PDE4A: variants seen among roughly 807,000 people sequenced by gnomAD.
PDE4A encodes phosphodiesterase 4A, also known as 3',5'-cyclic-AMP phosphodiesterase 4A.
In PDE4A, 21 loss-of-function variants were observed where a neutral mutation model predicts 73.9. The ratio of observed to expected loss-of-function variants is 0.28; its 90% CI spans 0.20 to 0.41. The LOEUF is 0.41. Ranked by LOEUF, PDE4A falls within the 10% of genes least tolerant of loss-of-function variation. The probability of loss-of-function intolerance (pLI) is 1.00; values close to 1 mark genes in which losing one functional copy is unlikely to be tolerated. For missense variants in PDE4A, 958 were observed against 1,211.4 expected (o/e 0.79, Z 3.10); for synonymous variants, 463 against 505.4 (o/e 0.92, Z 1.13).
intron 14 of PDE4A, among the ~76,000 whole-genome samples, chr19:10,466,184 C>T (rs182502065): frequency 3.8e-4 from 57 of 150,050 alleles, no homozygotes; most frequent in Middle Eastern, 3.4e-3. Context: ...CAGTGGCTCA[C>T]GCCTGTAATC....
At chr19:10,449,665 G>T (rs1174936064) in intron 4 of PDE4A, among the ~76,000 whole-genome samples, 1 of 151,958 alleles carries the variant, frequency 6.6e-6, no homozygotes, top group Non-Finnish European at 1.5e-5. Flanking sequence ...CGGCCCAGAG[G>T]TTTTTATAAA....
chr19:10,453,237 C>T lies in PDE4A; in HGVS notation c.784-1592C>T. The T allele has an allele frequency of 6.2e-7, 1 of 1,602,518 alleles. No homozygotes were observed. The highest frequency in any genetic ancestry group is 8.5e-7 in the Non-Finnish European group (1 of 1,174,540). On this transcript the variant is annotated intron_variant, in intron 6 of 14. Coordinates refer to ENST00000380702, the MANE Select transcript of PDE4A (RefSeq NM_001111307.2). The surrounding 1 kb of genome is among the most constrained non-coding windows in gnomAD (Gnocchi z 4.6). ...CCCCAAGCCCAGCCTCTGTGTGCAGCAGCCCCAGGCGGGCTAAGTCTCCAA... is the reference window on the plus strand; with the variant it reads ...CCCCAAGCCCAGCCTCTGTGTGCAGTAGCCCCAGGCGGGCTAAGTCTCCAA...
At chr19:10,452,865 A>T in intron 6 of PDE4A, 46 of 243,678 alleles carry the variant, frequency 1.9e-4, no homozygotes, top group Non-Finnish European at 2.8e-4. Flanking sequence ...CCCCTTTAAT[A>T]CCCCCCCACC....
In PDE4A at chr19:10,425,927, C is replaced by T. The variant is rs987099234; in HGVS notation, c.320+4843C>T. Among the ~76,000 whole-genome samples the T allele has an allele frequency of 2.4e-4, 29 of 122,340 alleles. No homozygotes were observed. The Admixed American group carries it at 2.7e-3, about 11-fold the overall frequency. 80.3% of individuals were successfully genotyped at this position (122,340 alleles called of 152,430 possible). On this transcript the variant is annotated intron_variant, in intron 1 of 14. Transcript: ENST00000380702. ...GGTTGAGCCTGGAAGGCGGAGGTTG[C>T]GGTGAGCCGAGATTGGGCCACTGCA...
At chr19:10,444,491 T>TC (rs2042978232) in intron 1 of PDE4A, among the ~76,000 whole-genome samples, 1 of 145,754 alleles carries the variant, frequency 6.9e-6, no homozygotes, top group Non-Finnish European at 1.5e-5. Context: ...AGAGTGAAAC[T>TC]CCATCTCAAA....
chr19:10,418,491 G>A (rs1045952949), upstream of PDE4A, among the ~76,000 whole-genome samples: 2 of 151,890 alleles, frequency 1.3e-5, no homozygotes, highest in African/African-American at 4.8e-5. Context: ...GCTTTCGGCA[G>A]TTCCAATCCA....
intron 1 of PDE4A, chr19:10,427,753 A>T (rs1417929840): frequency 1.0e-6 from 1 of 967,958 alleles, no homozygotes; most frequent in East Asian, 1.1e-4. Flanking sequence ...GGGCCTAGTA[A>T]AAACCGTATT....
rs199602831 is a variant in PDE4A at position 10,446,256 on chromosome 19, G to C, written c.359G>C (p.Arg120Pro). ...AATGGGCCGACACCATCTCCTGGCC[G>C]CAGCCCCCTGGACTCGCAGGCGAGC... ...AENGPTPSPG[R>P]SPLDSQASPG... Residue 120 changes from arginine to proline, a missense_variant, in exon 2 of 15, where the codon CGC (arginine) becomes CCC (proline). Transcript: ENST00000380702. 2 of 1,595,204 alleles carry C rather than the reference G, an allele frequency of 1.3e-6. No homozygotes were observed. Among genetic ancestry groups the C allele is most frequent in the South Asian group, 1.1e-5 (1 of 88,800 alleles).
chr19:10,447,795 C>G (rs917997298), intron 2 of PDE4A, among the ~76,000 whole-genome samples: 3 of 152,146 alleles, frequency 2.0e-5, no homozygotes, highest in Admixed American at 6.6e-5. Flanking sequence ...GCTAACCTCC[C>G]TTATCGTGAC....
intron 2 of PDE4A, among the ~76,000 whole-genome samples, chr19:10,446,901 C>CTTTTTTTCTCTTTTTTTTTTTTTTTTT (rs1939804348): frequency 1.4e-5 from 2 of 145,418 alleles, no homozygotes; most frequent in African/African-American, 5.1e-5. Context: ...GCCTCAGTTC[C>CTTTTTTTCTCTTTTTTTTTTTTTTTTT]TTTTTTTTTT....
At chr19:10,460,798 CA>C (rs34675916) in intron 10 of PDE4A, 35,961 of 103,354 alleles carry the variant, frequency 0.35, 4,856 homozygotes, top group East Asian at 0.53. Context: ...AACTCTGTCT[CA>C]AAAAAAAAAA....
At chr19:10,432,290 C>G (rs974806695) in intron 1 of PDE4A, 1 of 1,147,742 alleles carries the variant, frequency 8.7e-7, no homozygotes, top group Non-Finnish European at 1.1e-6. Flanking sequence ...CTCGACCGCC[C>G]GGGGCTGTCC....
chr19:10,454,611 G>A (rs1458461649), intron 6 of PDE4A: 1 of 263,020 alleles, frequency 3.8e-6, no homozygotes, highest in Non-Finnish European at 5.9e-6. Flanking sequence ...GGAGGGTTAT[G>A]CTGACCATGA....
upstream of PDE4A, chr19:10,418,671 C>T (rs1195143283): frequency 1.3e-6 from 1 of 753,778 alleles, no homozygotes; most frequent in Non-Finnish European, 1.6e-6. Context: ...TCAGTTTATC[C>T]CCCAGCTCAG....
At chr19:10,420,408 G>A (rs2145438104), upstream of PDE4A, 1 of 972,248 alleles carries the variant, frequency 1.0e-6, no homozygotes, top group East Asian at 1.1e-4. This position sits in a 1 kb window ranked among gnomAD's most constrained non-coding sequence, Gnocchi z 6.0. Context: ...GCCCCCCGCT[G>A]GCCCGGACGG....
Position 10,458,461 on chromosome 19 carries a change from C to G in PDE4A, c.1101+359C>G, listed in dbSNP as rs984879188. Among the ~76,000 whole-genome samples, 4 of 152,154 alleles carry G rather than the reference C, an allele frequency of 2.6e-5. No homozygotes were observed. Among genetic ancestry groups the G allele is most frequent in the African/African-American group, 9.7e-5 (4 of 41,430 alleles). On this transcript the variant is annotated intron_variant, in intron 8 of 14. Coordinates refer to ENST00000380702, the MANE Select transcript of PDE4A (RefSeq NM_001111307.2). This position sits in a 1 kb window ranked among gnomAD's most constrained non-coding sequence, Gnocchi z 4.6. ...TGCCCCCATAGTGTCCCCAACAGTC[C>G]AGACCGGTGTTTCACTCCTAGCTCT...
upstream of PDE4A, chr19:10,417,747 G>T (rs112873395): frequency 1.3e-6 from 2 of 1,581,728 alleles, no homozygotes; most frequent in Admixed American, 1.7e-5. Context: ...GTCCGGTCCT[G>T]GCCTGGGCTG....
chr19:10,420,576 A>C lies in PDE4A; in HGVS notation c.-189A>C. The C allele has an allele frequency of 8.0e-7, 1 of 1,252,278 alleles. No individual in the cohort carries two copies. Among genetic ancestry groups the C allele is most frequent in the Non-Finnish European group, 1.0e-6 (1 of 1,000,442 alleles). The allele number at this position is 1,252,278 out of a possible 1,614,324, so 77.6% of individuals were successfully genotyped here. A position where few individuals can be genotyped will look rare whatever the true frequency, so the allele number is the denominator to read the frequency against. On this transcript the variant is annotated 5_prime_UTR_variant, in exon 1 of 15. Coordinates refer to ENST00000380702, the MANE Select transcript of PDE4A (RefSeq NM_001111307.2). The surrounding 1 kb of genome is among the most constrained non-coding windows in gnomAD (Gnocchi z 6.0). ...CACTGAGCAGAGCTCCAGGCGCCGA[A>C]AGGAAGCTGCAGAGCCCGGCCCGGG...
Position 10,449,150 on chromosome 19 carries a change from A to C in PDE4A, c.620A>C (p.Lys207Thr). ...LLTNVPVPSN[K>T]RSPLGGPTPV... The stretch of plus-strand genomic sequence containing the variant: ...ACCAATGTGCCCGTTCCCAGTAACA[A>C]GTAAGTGAAGGCTGGGCTGCAACAG... Residue 207 changes from lysine to threonine, a missense_variant and splice_region_variant, in exon 4 of 15, where the codon AAG becomes ACG. Around this residue, in one of 3 missense-constraint regions of PDE4A, gnomAD observed 570 missense variants for 827.7 expected, o/e 0.69. Transcript: ENST00000380702. 6 of 1,613,256 alleles carry C rather than the reference A, an allele frequency of 3.7e-6. No homozygotes were observed. Among genetic ancestry groups the C allele is most frequent in the Non-Finnish European group, 5.1e-6 (6 of 1,179,690 alleles).
Sources: gnomAD v4.1 joint callset for allele counts (sites outside exome capture counted in the v4.1 genomes callset) on GRCh38, gnomAD v4.1.1 for gene constraint, gnomAD v4.1.1 regional missense constraint, Gnocchi (gnomAD v3.1) non-coding constraint, MANE v1.5 for transcripts, NCBI Gene and HGNC (gene_info 2026-07-23, HGNC 2026-07-21) for gene names.